Variants in RNF115 observed in about 807,000 individuals in gnomAD.
RNF115 encodes ring finger protein 115, also known as E3 ubiquitin-protein ligase RNF115.
RNF115 carries 31 observed loss-of-function variants against 39.2 expected under a neutral mutation model. The ratio of observed to expected loss-of-function variants is 0.79; its 90% CI spans 0.59 to 1.07. RNF115 has a LOEUF of 1.07. RNF115 is among the 50% of genes least tolerant of loss of function. The pLI is 0.00. For missense variants in RNF115, 384 were observed against 381.7 expected, an observed-to-expected ratio of 1.01 and a Z score of -0.05; for synonymous variants, 124 against 131.0, an observed-to-expected ratio of 0.95 and a Z score of 0.37.
chr1:145,754,955 G>T (rs1658242559), intron 4 of RNF115, among the ~76,000 whole-genome samples: 1 of 151,974 alleles, frequency 6.6e-6, no homozygotes, highest in Non-Finnish European at 1.5e-5. Context: ...AAAAAAAAGT[G>T]GGGGAAATGG....
chr1:145,782,601 A>AT (rs1553717579), intron 3 of RNF115, among the ~76,000 whole-genome samples: 23 of 152,362 alleles, frequency 1.5e-4, no homozygotes, highest in Non-Finnish European at 3.1e-4. Flanking sequence ...TAGCATTACT[A>AT]AAGTTAGGAA....
chr1:145,768,465 G>A (rs192765865), intron 4 of RNF115, among the ~76,000 whole-genome samples: 32 of 152,324 alleles, frequency 2.1e-4, no homozygotes, highest in African/African-American at 6.5e-4. Flanking sequence ...ACAGGCAACC[G>A]CCACCATGCC....
chr1:145,808,015 C>T lies in RNF115; in HGVS notation c.102+15757G>A, dbSNP rs587727209. On this transcript the variant is annotated intron_variant, in intron 1 of 8. Transcript: ENST00000582693. Reference sequence around the variant, plus strand: ...GTTCCATCCATGTTGCTACAAATGGCACGACTTGATTCTTTCTTATGGCCA... The same window carrying T: ...GTTCCATCCATGTTGCTACAAATGGTACGACTTGATTCTTTCTTATGGCCA... Among the ~76,000 whole-genome samples, 7 of 151,906 alleles carry T rather than the reference C, an allele frequency of 4.6e-5. No homozygotes were observed. The East Asian group carries it at 9.7e-4, about 21-fold the overall frequency.
At chr1:145,787,704 C>A (rs1049595400) in intron 2 of RNF115, among the ~76,000 whole-genome samples, 1 of 151,754 alleles carries the variant, frequency 6.6e-6, no homozygotes, top group African/African-American at 2.4e-5. Context: ...CTGGCCAACA[C>A]GGCAAAACCC....
At chr1:145,778,172 T>G (rs1234226384) in intron 3 of RNF115, among the ~76,000 whole-genome samples, 4 of 152,212 alleles carry the variant, frequency 2.6e-5, no homozygotes, top group African/African-American at 9.7e-5. Context: ...TACTGATACA[T>G]GCTACAGCAT....
At chr1:145,763,141 G>T (rs1658596784) in intron 4 of RNF115, among the ~76,000 whole-genome samples, 1 of 152,086 alleles carries the variant, frequency 6.6e-6, no homozygotes, top group Non-Finnish European at 1.5e-5. Context: ...GCTGTTTTGT[G>T]AGTTACCAGG....
At chr1:145,819,868 T>C (rs1650157228) in intron 1 of RNF115, among the ~76,000 whole-genome samples, 1 of 152,148 alleles carries the variant, frequency 6.6e-6, no homozygotes, top group African/African-American at 2.4e-5. Context: ...GGAAACCCCA[T>C]CTCTACCAAA....
chr1:145,791,247 T>C (rs1230645868), intron 1 of RNF115, among the ~76,000 whole-genome samples: 1 of 151,780 alleles, frequency 6.6e-6, no homozygotes, highest in Non-Finnish European at 1.5e-5. Flanking sequence ...GTGTGGTGGC[T>C]CATGCCTGTA....
Position 145,823,684 on chromosome 1 carries a change from G to A in RNF115, c.102+88C>T, listed in dbSNP as rs1235734357. On this transcript the variant is annotated intron_variant, in intron 1 of 8. Coordinates refer to ENST00000582693, the MANE Select transcript of RNF115 (RefSeq NM_014455.4). ...GCAGACCGATGTCGGGCGAGTCAAT[G>A]ATGTGCAGAAAGCTCCAGACCCAGT... is the stretch of plus-strand genomic sequence containing the variant. 26 of 1,061,330 alleles carry A rather than the reference G, an allele frequency of 2.4e-5. No individual in the cohort carries two copies. In the African/African-American group the frequency reaches 3.6e-4, roughly 15 times the overall value. 65.7% of individuals were successfully genotyped at this position (1,061,330 alleles called of 1,614,324 possible).
At chr1:145,755,700 T>G (rs587608195) in intron 4 of RNF115, among the ~76,000 whole-genome samples, 2 of 152,076 alleles carry the variant, frequency 1.3e-5, no homozygotes, top group African/African-American at 4.8e-5. Flanking sequence ...AAAAGGACTT[T>G]GAGGAGAGCA....
At chr1:145,756,392 G>A (rs944657324) in intron 4 of RNF115, among the ~76,000 whole-genome samples, 36 of 151,964 alleles carry the variant, frequency 2.4e-4, no homozygotes, top group African/African-American at 7.3e-4. Flanking sequence ...CCCAGGACAC[G>A]GACGTTGCAC....
chr1:145,807,782 T>C (rs1649522773), intron 1 of RNF115, among the ~76,000 whole-genome samples: 1 of 152,170 alleles, frequency 6.6e-6, no homozygotes, highest in South Asian at 2.1e-4. Flanking sequence ...TTATTCCTTC[T>C]ATCTAATTTT....
In RNF115 at chr1:145,761,864, CGGGA is replaced by C. The variant is rs587611750; in HGVS notation, c.429-8819_429-8816del. Among the ~76,000 whole-genome samples, 430 of 152,248 alleles carry C rather than the reference CGGGA, an allele frequency of 2.8e-3. 3 individuals carry two copies. The highest frequency in any genetic ancestry group is 0.01 in the African/African-American group (417 of 41,536). The stretch of plus-strand genomic sequence containing the variant: ...CTCAACACCAGCCAGTGAAAGCAGC[CGGGA>C]GGGAGGTTGGACCCCGCAAAGCTAC... On this transcript the variant is annotated intron_variant, in intron 4 of 8. Transcript: ENST00000582693.
chr1:145,758,679 A>G (rs1658389285), intron 4 of RNF115, among the ~76,000 whole-genome samples: 1 of 152,204 alleles, frequency 6.6e-6, no homozygotes, highest in Admixed American at 6.5e-5. Flanking sequence ...AAGCTGTAAA[A>G]GTCAATCCTA....
intron 1 of RNF115, among the ~76,000 whole-genome samples, chr1:145,791,836 G>A (rs1553719044): frequency 6.6e-6 from 1 of 152,112 alleles, no homozygotes; most frequent in Non-Finnish European, 1.5e-5. Flanking sequence ...AAATAGACCT[G>A]AGAAACACAT....
In RNF115 at chr1:145,794,583, T is replaced by C. The variant is rs587758746; in HGVS notation, c.103-5617A>G. Among the ~76,000 whole-genome samples the C allele has an allele frequency of 8.1e-5, 12 of 147,890 alleles. No individual in the cohort carries two copies. The East Asian group carries it at 2.4e-3, about 29-fold the overall frequency. On this transcript the variant is annotated intron_variant, in intron 1 of 8. Coordinates refer to ENST00000582693, the MANE Select transcript of RNF115 (RefSeq NM_014455.4). The stretch of plus-strand genomic sequence containing the variant: ...GGAGTGCAGTGGTGCGATCTCCTAT[T>C]GGAATCATGTGAAGTCCCCACTTCA...
chr1:145,781,953 A>G (rs1553717480), intron 3 of RNF115, among the ~76,000 whole-genome samples: 3 of 139,144 alleles, frequency 2.2e-5, no homozygotes, highest in Non-Finnish European at 3.0e-5. Context: ...CCCAGGCTGG[A>G]GTCCAGTGGT....
intron 4 of RNF115, among the ~76,000 whole-genome samples, chr1:145,760,301 G>A (rs900583577): frequency 5.9e-5 from 9 of 152,116 alleles, no homozygotes; most frequent in Admixed American, 5.2e-4. Context: ...CACACCTGTG[G>A]TCCTAGATGC....
chr1:145,750,118 A>T (rs1658019684), intron 7 of RNF115, among the ~76,000 whole-genome samples: 1 of 152,070 alleles, frequency 6.6e-6, no homozygotes, highest in African/African-American at 2.4e-5. Flanking sequence ...CTATCTTTGT[A>T]CCTCTTTATT....
Sources: gnomAD v4.1 joint callset for allele counts (sites outside exome capture counted in the v4.1 genomes callset) on GRCh38, gnomAD v4.1.1 for gene constraint, MANE v1.5 for transcripts, NCBI Gene and HGNC (gene_info 2026-07-23, HGNC 2026-07-21) for gene names.